The following IGF2BP3 variants were observed in gnomAD, a reference collection of about 807,000 sequenced individuals.
IGF2BP3 encodes insulin-like growth factor 2 mRNA-binding protein 3.
Under a neutral mutation model 73.8 loss-of-function variants are expected in IGF2BP3, and 9 were observed. The ratio of observed to expected loss-of-function variants is 0.12; its 90% CI spans 0.07 to 0.21. The LOEUF (loss-of-function observed/expected upper bound fraction) is 0.21, where lower values mean the gene tolerates loss of function less well. IGF2BP3 is among the 10% of genes least tolerant of loss of function. The pLI is 1.00. For synonymous variants in IGF2BP3, 258 were observed against 256.7 expected, an observed-to-expected ratio of 1.01 and a Z score of -0.05; for missense variants, 542 against 714.0, an observed-to-expected ratio of 0.76 and a Z score of 2.75.
chr7:23,396,061 C>T (rs941317673), intron 3 of IGF2BP3, among the ~76,000 whole-genome samples: 1 of 148,186 alleles, frequency 6.7e-6, no homozygotes, highest in Non-Finnish European at 1.5e-5. Flanking sequence ...TTTTTTTTAA[C>T]CCAATAACCC....
chr7:23,407,952 GCGGGGGGC>G (rs1562733754), intron 3 of IGF2BP3, among the ~76,000 whole-genome samples: 9,964 of 78,596 alleles, frequency 0.13, 577 homozygotes, highest in South Asian at 0.23. Flanking sequence ...GGGGCAGGGG[GCGGGGGGC>G]GGGGGGGGGG....
At chr7:23,349,231 A>G (rs1784902573) in intron 6 of IGF2BP3, among the ~76,000 whole-genome samples, 1 of 152,214 alleles carries the variant, frequency 6.6e-6, no homozygotes, top group Admixed American at 6.5e-5. Context: ...AAACACTTAA[A>G]GGGCTAAATA....
rs1359266274 is a variant in IGF2BP3 at position 23,340,033 on chromosome 7, G to GT, written c.1203+2030dup. Reference sequence around the variant, plus strand: ...TTTAGACACAATTCTTATAGTTCAGGTTTTTTTTATTATACAGGTGAGAAA... The same window carrying GT: ...TTTAGACACAATTCTTATAGTTCAGGTTTTTTTTTATTATACAGGTGAGAAA... On this transcript the variant is annotated intron_variant, in intron 10 of 14. Coordinates refer to ENST00000258729, the MANE Select transcript of IGF2BP3 (RefSeq NM_006547.3). Among the ~76,000 whole-genome samples the GT allele has an allele frequency of 3.3e-5, 5 of 152,052 alleles. No homozygotes were observed. In the East Asian group the frequency reaches 5.8e-4, roughly 18 times the overall value.
Position 23,470,172 on chromosome 7 carries a change from G to A in IGF2BP3, c.-62C>T. 3 of 1,343,136 alleles carry A rather than the reference G, an allele frequency of 2.2e-6. No homozygotes were observed. The highest frequency in any genetic ancestry group is 1.4e-5 in the South Asian group (1 of 73,890). The allele number at this position is 1,343,136 out of a possible 1,614,324, so 83.2% of individuals were successfully genotyped here. On this transcript the variant is annotated 5_prime_UTR_variant, in exon 1 of 15. Transcript: ENST00000258729. Reference sequence around the variant, plus strand: ...AAAACGAAAAATTAAAACCACCCACGGTGATGGATGGATCCAGCTGGTTTT... The same window carrying A: ...AAAACGAAAAATTAAAACCACCCACAGTGATGGATGGATCCAGCTGGTTTT...
At chr7:23,370,562 G>A (rs1244855588) in intron 3 of IGF2BP3, among the ~76,000 whole-genome samples, 1 of 152,144 alleles carries the variant, frequency 6.6e-6, no homozygotes, top group Non-Finnish European at 1.5e-5. Flanking sequence ...AAGGGGCCAT[G>A]TCTTACCTTT....
At chr7:23,338,859 T>C (rs542817682) in intron 10 of IGF2BP3, among the ~76,000 whole-genome samples, 1 of 152,332 alleles carries the variant, frequency 6.6e-6, no homozygotes, top group East Asian at 1.9e-4. Context: ...TAATATATGA[T>C]TTAGGGAAAT....
intron 10 of IGF2BP3, among the ~76,000 whole-genome samples, chr7:23,322,776 TAAAG>T (rs1784193672): frequency 6.6e-6 from 1 of 152,150 alleles, no homozygotes; most frequent in Non-Finnish European, 1.5e-5. Flanking sequence ...TCAACATTCT[TAAAG>T]AAAAGAATTT....
chr7:23,349,573 G>A (rs762797425), intron 6 of IGF2BP3, among the ~76,000 whole-genome samples: 5 of 152,142 alleles, frequency 3.3e-5, no homozygotes, highest in Middle Eastern at 3.4e-3. Context: ...ACTAAGCTCC[G>A]ATCCCCTGAG....
In IGF2BP3 at chr7:23,351,285, C is replaced by G. The variant is rs751664624; in HGVS notation, c.683+20G>C. On this transcript the variant is annotated intron_variant, in intron 6 of 14. Transcript: ENST00000258729. ...AAGGGGAATTCTCATGAACACCCAC[C>G]ACACACTCAGCATACTCACTTAGAC... 1.4e-5 allele frequency: 22 copies of G among 1,611,790 alleles called. No homozygotes were observed. The Admixed American group carries it at 3.2e-4, about 23-fold the overall frequency.
Position 23,324,120 on chromosome 7 carries a change from A to G in IGF2BP3, c.1204-4866T>C, listed in dbSNP as rs1784229252. On this transcript the variant is annotated intron_variant, in intron 10 of 14. Coordinates refer to ENST00000258729, the MANE Select transcript of IGF2BP3 (RefSeq NM_006547.3). ...ACACAAAAAACCCTTGAAAAAATTA[A>G]CGAATCCAGGAGCTGGTTTTTTGAA... Among the ~76,000 whole-genome samples, 4 of 152,180 alleles carry G rather than the reference A, an allele frequency of 2.6e-5. 1 individual carries two copies. In the South Asian group the frequency reaches 8.3e-4, roughly 32 times the overall value.
At chr7:23,348,535 C>T (rs1012926184) in intron 6 of IGF2BP3, among the ~76,000 whole-genome samples, 3 of 152,194 alleles carry the variant, frequency 2.0e-5, no homozygotes, top group Admixed American at 2.0e-4. Context: ...CTCCTGGTAA[C>T]ATCTACAGAT....
intron 5 of IGF2BP3, among the ~76,000 whole-genome samples, chr7:23,353,018 T>A (rs1785006528): frequency 6.6e-6 from 1 of 152,118 alleles, no homozygotes; most frequent in Non-Finnish European, 1.5e-5. Flanking sequence ...ATAGCCCAGA[T>A]TTCATAAACA....
chr7:23,410,118 G>A (rs768684581), intron 3 of IGF2BP3, among the ~76,000 whole-genome samples: 5 of 152,032 alleles, frequency 3.3e-5, no homozygotes, highest in Non-Finnish European at 5.9e-5. Flanking sequence ...GCAGTGAGCC[G>A]AGATCGCACC....
intron 2 of IGF2BP3, among the ~76,000 whole-genome samples, chr7:23,443,991 A>C (rs1404159533): frequency 6.6e-6 from 1 of 152,206 alleles, no homozygotes; most frequent in Non-Finnish European, 1.5e-5. Context: ...CCTGGGAAAC[A>C]GAGGGAGACT....
At chr7:23,451,370 T>C (rs190745270) in intron 2 of IGF2BP3, among the ~76,000 whole-genome samples, 33 of 151,960 alleles carry the variant, frequency 2.2e-4, no homozygotes, top group Non-Finnish European at 3.8e-4. Context: ...TGAGCTGAGA[T>C]TGCATCACTG....
At chr7:23,460,198 A>AAAAAC (rs1358770895) in intron 2 of IGF2BP3, among the ~76,000 whole-genome samples, 2 of 144,288 alleles carry the variant, frequency 1.4e-5, no homozygotes, top group Non-Finnish European at 3.1e-5. Context: ...AAAAAAAAAC[A>AAAAAC]AAAACGAAAG....
chr7:23,322,556 A>G (rs1317751726), intron 10 of IGF2BP3, among the ~76,000 whole-genome samples: 1 of 152,198 alleles, frequency 6.6e-6, no homozygotes, highest in Non-Finnish European at 1.5e-5. Context: ...ATTCAGATTC[A>G]GGAAATACAG....
intron 3 of IGF2BP3, among the ~76,000 whole-genome samples, chr7:23,390,201 C>G (rs1233207015): frequency 6.6e-6 from 1 of 152,050 alleles, no homozygotes; most frequent in East Asian, 1.9e-4. Context: ...ATCAAATAGC[C>G]TAAAAATTCA....
chr7:23,347,525 G>C (rs1784858331), intron 7 of IGF2BP3, 75 bp downstream of exon 7: 2 of 1,511,652 alleles, frequency 1.3e-6, no homozygotes, highest in Non-Finnish European at 9.0e-7. Flanking sequence ...CAATTCCCAA[G>C]AATTGTGTCA....
Sources: allele counts gnomAD v4.1 joint callset (sites outside exome capture counted in the v4.1 genomes callset), GRCh38; gene constraint gnomAD v4.1.1; transcripts MANE v1.5; gene names NCBI Gene and HGNC (gene_info 2026-07-23, HGNC 2026-07-21).